KIZ: variants seen among roughly 807,000 people sequenced by gnomAD.
KIZ encodes centrosomal protein kizuna.
A neutral mutation model predicts 79.6 loss-of-function variants in KIZ; 68 were observed. The ratio of observed to expected loss-of-function variants is 0.85; its 90% confidence interval spans 0.70 to 1.05. KIZ has a LOEUF of 1.05. KIZ is among the 50% of genes least tolerant of loss of function. The pLI is 0.00. For missense variants in KIZ, 797 were observed against 800.4 expected, an observed-to-expected ratio of 1.00 and a Z score of 0.05; for synonymous variants, 280 against 281.8, an observed-to-expected ratio of 0.99 and a Z score of 0.06.
intron 4 of KIZ, chr20:21,148,977 T>G (rs1167680869): frequency 1.3e-5 from 2 of 152,192 alleles, no homozygotes; most frequent in Non-Finnish European, 2.9e-5. Context: ...GTAGTAACAA[T>G]GGGTAATAAT....
Position 21,161,977 on chromosome 20 carries a change from G to C in KIZ, c.512G>C (p.Arg171Thr). The C allele has an allele frequency of 6.2e-7, 1 of 1,613,926 alleles. No homozygotes were observed. Among genetic ancestry groups the C allele is most frequent in the East Asian group, 2.2e-5 (1 of 44,878 alleles). The change falls in exon 5 of 13, where the codon AGA (arginine) becomes ACA (threonine). Residue 171 changes from arginine to threonine, a missense_variant. Transcript: ENST00000619189. Reference sequence around the variant, plus strand: ...CAAATGTCAGCCATCTTAAGCATGAGAGATTTCAGTACAGAGCACAAATCT... The same window carrying C: ...CAAATGTCAGCCATCTTAAGCATGACAGATTTCAGTACAGAGCACAAATCT... ...GRQMSAILSMRDFSTEHKSPQ... is the reference protein window; with the variant it reads ...GRQMSAILSMTDFSTEHKSPQ...
At chr20:21,219,400 C>T (rs554032461) in intron 9 of KIZ, among the ~76,000 whole-genome samples, 18 of 152,110 alleles carry the variant, frequency 1.2e-4, no homozygotes, top group Admixed American at 8.5e-4. Context: ...TTTTTGCAGC[C>T]TCTATCTCCT....
rs549594211 is a variant in KIZ at position 21,215,659 on chromosome 20, G to A, written c.1678+11G>A. On this transcript the variant is annotated intron_variant, in intron 9 of 12. Transcript: ENST00000619189. Reference sequence around the variant, plus strand: ...ATATCCCAATCACAGGTAAAGCTATGGTTGCCTAAGAGTTTCAGACACAAG... The same window carrying A: ...ATATCCCAATCACAGGTAAAGCTATAGTTGCCTAAGAGTTTCAGACACAAG... 7.0e-6 allele frequency: 11 copies of A among 1,579,454 alleles called. No homozygotes were observed. The highest frequency in any genetic ancestry group is 8.7e-6 in the Non-Finnish European group (10 of 1,152,252).
intron 7 of KIZ, among the ~76,000 whole-genome samples, chr20:21,213,279 G>A (rs1264750946): frequency 2.6e-5 from 4 of 152,120 alleles, no homozygotes; most frequent in East Asian, 1.9e-4. Context: ...CCTTCCGTCC[G>A]GGCCTTCCGA....
At chr20:21,204,203 C>T (rs1442706155) in intron 6 of KIZ, among the ~76,000 whole-genome samples, 1 of 145,052 alleles carries the variant, frequency 6.9e-6, no homozygotes, top group East Asian at 2.0e-4. Context: ...GCAAGCTCCG[C>T]CTCCCAGGTT....
chr20:21,154,402 C>A (rs977735542), intron 4 of KIZ, among the ~76,000 whole-genome samples: 3 of 152,114 alleles, frequency 2.0e-5, no homozygotes, highest in Non-Finnish European at 4.4e-5. Flanking sequence ...AGATGAATTC[C>A]TGATTTTTAA....
chr20:21,170,051 G>T (rs1233803420), intron 6 of KIZ, among the ~76,000 whole-genome samples: 2 of 152,018 alleles, frequency 1.3e-5, no homozygotes, highest in Admixed American at 1.3e-4. Context: ...GTTTTTGTGT[G>T]GACATGTTTT....
chr20:21,232,742 A>G lies in KIZ; in HGVS notation c.1792A>G (p.Ile598Val). Residue 598 changes from isoleucine to valine, a missense_variant, in exon 11 of 13, where the codon ATT becomes GTT. Ile to Val is a conservative substitution (Grantham distance 29, BLOSUM62 3). Coordinates refer to ENST00000619189, the MANE Select transcript of KIZ (RefSeq NM_018474.6). ...GTTTACGCTTATCACAGGTTTGAAT[A>G]TTGGCAGCGGTGCATTCGAGACAAA... ...ASVSHLSGLN[I>V]GSGAFETKTA... 6.4e-7 allele frequency: 1 copy of G among 1,569,340 alleles called. No homozygotes were observed. Among genetic ancestry groups the G allele is most frequent in the Non-Finnish European group, 8.7e-7 (1 of 1,146,644 alleles).
chr20:21,194,784 G>GT (rs2035267707), intron 6 of KIZ: 1 of 151,736 alleles, frequency 6.6e-6, no homozygotes, highest in Admixed American at 6.6e-5. Flanking sequence ...GAGCTCAAGA[G>GT]TTTGAGACCA....
chr20:21,136,587 T>G, intron 3 of KIZ, 35 bp downstream of exon 3: 2 of 1,458,484 alleles, frequency 1.4e-6, no homozygotes, highest in South Asian at 2.7e-5. Context: ...TTTATTTTAT[T>G]TGTTGTTGTG....
intron 9 of KIZ, among the ~76,000 whole-genome samples, chr20:21,225,055 G>T (rs1371466759): frequency 6.6e-6 from 1 of 152,170 alleles, no homozygotes; most frequent in East Asian, 1.9e-4. Flanking sequence ...GGTTCAGGCA[G>T]CTTATGTAAC....
chr20:21,179,209 G>GTT (rs34220269), intron 6 of KIZ, among the ~76,000 whole-genome samples: 1 of 129,748 alleles, frequency 7.7e-6, no homozygotes, highest in Non-Finnish European at 1.6e-5. Context: ...GGGTTTTTTT[G>GTT]TTTTTTTTTT....
chr20:21,157,258 T>C (rs1275294373), intron 4 of KIZ, among the ~76,000 whole-genome samples: 1 of 152,204 alleles, frequency 6.6e-6, no homozygotes, highest in African/African-American at 2.4e-5. Context: ...GAATGATGCA[T>C]CGTCCACAGA....
chr20:21,207,335 A>G (rs1460623163), intron 7 of KIZ, among the ~76,000 whole-genome samples: 1 of 151,974 alleles, frequency 6.6e-6, no homozygotes, highest in Non-Finnish European at 1.5e-5. Flanking sequence ...TTTCAAACAT[A>G]CATATATTCA....
intron 1 of KIZ, among the ~76,000 whole-genome samples, chr20:21,131,159 A>G (rs538693449): frequency 6.6e-6 from 1 of 152,284 alleles, no homozygotes; most frequent in East Asian, 1.9e-4. Flanking sequence ...GAATGGCTTC[A>G]TCAGTTTTAT....
In KIZ at chr20:21,221,043, G is replaced by A. The variant is rs942468282; in HGVS notation, c.1678+5395G>A. The stretch of plus-strand genomic sequence containing the variant: ...AGCCCAGCTGGGCTGCTGGGAGGTC[G>A]GTTTCCCTGAAACACTTCCTGACCT... On this transcript the variant is annotated intron_variant, in intron 9 of 12. Coordinates refer to ENST00000619189, the MANE Select transcript of KIZ (RefSeq NM_018474.6). 3.3e-5 allele frequency among the ~76,000 whole-genome samples: 5 copies of A among 152,140 alleles called. No homozygotes were observed. In the South Asian group the frequency reaches 1.0e-3, roughly 32 times the overall value.
At chr20:21,233,076 C>T (rs1228080990) in intron 11 of KIZ, among the ~76,000 whole-genome samples, 1 of 152,240 alleles carries the variant, frequency 6.6e-6, no homozygotes, top group African/African-American at 2.4e-5. Context: ...CAGTGAACCA[C>T]AAATTAGCGT....
chr20:21,162,227 AG>A lies in KIZ; in HGVS notation c.764del (p.Gly255GlufsTer28), dbSNP rs764008335. 6.2e-7 allele frequency: 1 copy of A among 1,613,882 alleles called. No individual in the cohort carries two copies. Among genetic ancestry groups the A allele is most frequent in the Non-Finnish European group, 8.5e-7 (1 of 1,179,854 alleles). On this transcript the variant is annotated frameshift_variant, in exon 5 of 13. Transcript: ENST00000619189. LOFTEE classifies it high-confidence loss of function. ...EEEQTHCLEIGSNTRHGKSNL... is the reference protein window; with the variant it reads ...EEEQTHCLEIXSNTRHGKSNL... ...AGGAACAAACTCATTGCTTGGAGAT[AG>A]GAAGTAACACACGTCATGGCAAGAG...
At chr20:21,233,662 A>G (rs981844858) in intron 11 of KIZ, among the ~76,000 whole-genome samples, 1 of 152,176 alleles carries the variant, frequency 6.6e-6, no homozygotes, top group African/African-American at 2.4e-5. Flanking sequence ...GGAACTTTAC[A>G]TTTCTAGTAT....
Sources: allele counts gnomAD v4.1 joint callset (sites outside exome capture counted in the v4.1 genomes callset), GRCh38; gene constraint gnomAD v4.1.1; transcripts MANE v1.5; gene names NCBI Gene and HGNC (gene_info 2026-07-23, HGNC 2026-07-21).